The following TDP1 variants were observed in gnomAD, a reference collection of about 807,000 sequenced individuals.
TDP1 encodes tyrosyl-DNA phosphodiesterase 1.
A neutral mutation model predicts 81.5 loss-of-function variants in TDP1; 64 were observed. The ratio of observed to expected loss-of-function variants is 0.79; its 90% CI spans 0.64 to 0.97. The LOEUF is 0.97. Among genes scored for constraint, TDP1 ranks in the 50% least tolerant of loss-of-function variants. The pLI, the probability that TDP1 is intolerant of heterozygous loss-of-function variation, is 0.00. For missense variants in TDP1, 723 were observed against 743.8 expected, an observed-to-expected ratio of 0.97 and a Z score of 0.33; for synonymous variants, 256 against 264.3, an observed-to-expected ratio of 0.97 and a Z score of 0.30.
At chr14:89,966,310 G>A (rs910381725) in intron 4 of TDP1, 120 bp downstream of exon 4, 1 of 749,692 alleles carries the variant, frequency 1.3e-6, no homozygotes, top group Non-Finnish European at 2.4e-6. Flanking sequence ...AGACTGAGAT[G>A]GCACATACCT....
At chr14:90,009,243 A>G (rs1397298574) in intron 14 of TDP1, among the ~76,000 whole-genome samples, 1 of 152,220 alleles carries the variant, frequency 6.6e-6, no homozygotes, top group African/African-American at 2.4e-5. Flanking sequence ...GGTCTCTTCA[A>G]GAACCTGGAA....
intron 15 of TDP1, among the ~76,000 whole-genome samples, chr14:90,024,394 A>G (rs1184572010): frequency 6.6e-6 from 1 of 152,164 alleles, no homozygotes; most frequent in Non-Finnish European, 1.5e-5. Context: ...GGGGCTCAGC[A>G]CATATCCCAC....
At chr14:89,976,526 T>C (rs1015150906) in intron 7 of TDP1, among the ~76,000 whole-genome samples, 15 of 133,510 alleles carry the variant, frequency 1.1e-4, no homozygotes, top group African/African-American at 3.4e-4. Flanking sequence ...TCAACAGAGC[T>C]CTTTTTTTTT....
Position 89,980,583 on chromosome 14 carries a change from A to G in TDP1, c.835A>G (p.Ile279Val), listed in dbSNP as rs558781470. The change falls in exon 8 of 17, where the codon ATA (isoleucine) becomes GTA (valine). Residue 279 changes from isoleucine to valine, a missense_variant. Coordinates refer to ENST00000335725, the MANE Select transcript of TDP1 (RefSeq NM_018319.4). ...LLYEEGLRVV[I>V]HTSNLIHADW... ...CTATGAAGAAGGCCTCCGGGTTGTC[A>G]TACACACCTCCAACCTCATCCATGC... The G allele has an allele frequency of 1.2e-6, 2 of 1,614,210 alleles. No homozygotes were observed. The highest frequency in any genetic ancestry group is 1.3e-5 in the African/African-American group (1 of 75,058).
rs894715339 is a variant in TDP1, at chr14:89,993,152, T to C, written c.1434-224T>C. 31 of 984,678 alleles carry C rather than the reference T, an allele frequency of 3.1e-5. No individual in the cohort carries two copies. The African/African-American group carries it at 4.4e-4, about 14-fold the overall frequency. 61.0% of individuals were successfully genotyped at this position (984,678 alleles called of 1,614,324 possible). A position where few individuals can be genotyped will look rare whatever the true frequency, so the allele number is the denominator to read the frequency against. ...TCATGGCAAAAATGGAAAGGCTATA[T>C]GCTGAAAGGTTGCAGTGCTTCTTGT... On this transcript the variant is annotated intron_variant, in intron 13 of 16. Transcript: ENST00000335725.
At chr14:90,031,780 A>G (rs1190760584) in intron 15 of TDP1, among the ~76,000 whole-genome samples, 2 of 152,150 alleles carry the variant, frequency 1.3e-5, no homozygotes, top group Non-Finnish European at 2.9e-5. Flanking sequence ...CTCCACCTGC[A>G]ACATAATTCT....
intron 15 of TDP1, among the ~76,000 whole-genome samples, chr14:90,031,313 G>A (rs1887259230): frequency 7.3e-6 from 1 of 136,814 alleles, no homozygotes; most frequent in African/African-American, 2.8e-5. Flanking sequence ...CTGTGTCCAT[G>A]TGTTCTCATT....
intron 14 of TDP1, among the ~76,000 whole-genome samples, chr14:90,007,256 C>T (rs528064670): frequency 1.3e-5 from 2 of 152,018 alleles, no homozygotes; most frequent in Non-Finnish European, 2.9e-5. Flanking sequence ...TTATTTTTGC[C>T]CTCATTTTTG....
chr14:89,987,487 A>G (rs1187820413), intron 10 of TDP1, among the ~76,000 whole-genome samples: 1 of 152,244 alleles, frequency 6.6e-6, no homozygotes, highest in Non-Finnish European at 1.5e-5. Flanking sequence ...TGGAGCAGAA[A>G]GTGGACACTT....
At chr14:90,026,613 C>G (rs1886688041) in intron 15 of TDP1, among the ~76,000 whole-genome samples, 2 of 152,204 alleles carry the variant, frequency 1.3e-5, no homozygotes, top group African/African-American at 4.8e-5. Flanking sequence ...CTCCCCCTCC[C>G]CCTGCCCCAC....
chr14:89,978,412 C>T (rs1894596012), intron 7 of TDP1, among the ~76,000 whole-genome samples: 1 of 152,216 alleles, frequency 6.6e-6, no homozygotes, highest in African/African-American at 2.4e-5. Flanking sequence ...TCTAGGATGG[C>T]ACCTGGTAGA....
chr14:90,018,013 T>C (rs1393651389), intron 14 of TDP1, among the ~76,000 whole-genome samples: 1 of 152,198 alleles, frequency 6.6e-6, no homozygotes, highest in Admixed American at 6.5e-5. Context: ...TTCAAGAGTT[T>C]TCCTTAGCTC....
Position 89,963,865 on chromosome 14 carries a change from G to A in TDP1, c.559+192G>A, listed in dbSNP as rs1006915833. On this transcript the variant is annotated intron_variant, in intron 3 of 16. Transcript: ENST00000335725. ...ACTGTTTACTTAACTCAGGCAGAGC[G>A]TGTGTTCTCAAAACCCTGTAGCTCA... Among the ~76,000 whole-genome samples, 14 of 152,346 alleles carry A rather than the reference G, an allele frequency of 9.2e-5. No individual in the cohort carries two copies. The East Asian group carries it at 1.9e-3, about 21-fold the overall frequency.
intron 2 of TDP1, among the ~76,000 whole-genome samples, chr14:89,962,613 C>T (rs34961073): frequency 0.017 from 2,635 of 152,030 alleles, 77 homozygotes; most frequent in African/African-American, 0.06. Flanking sequence ...CTTGTAATCC[C>T]AGCACTTTGG....
Position 89,964,285 on chromosome 14 carries a change from C to T in TDP1, c.559+612C>T, listed in dbSNP as rs1892679294. ...GATCAAAAGATGGCCTTAGTTTGCT[C>T]TCCTTATTCCTCAGGGAGCACCTGC... On this transcript the variant is annotated intron_variant, in intron 3 of 16. Transcript: ENST00000335725. Among the ~76,000 whole-genome samples, 2 of 152,238 alleles carry T rather than the reference C, an allele frequency of 1.3e-5. 1 individual carries two copies. The highest frequency in any genetic ancestry group is 4.1e-4 in the South Asian group (2 of 4,828).
At chr14:89,977,746 A>G (rs1894522940) in intron 7 of TDP1, among the ~76,000 whole-genome samples, 1 of 152,250 alleles carries the variant, frequency 6.6e-6, no homozygotes, top group Admixed American at 6.5e-5. Context: ...CTTCCAGATC[A>G]TAGTGATGGA....
chr14:90,031,263 C>T (rs560657256), intron 15 of TDP1, among the ~76,000 whole-genome samples: 2 of 136,806 alleles, frequency 1.5e-5, no homozygotes, highest in Admixed American at 1.5e-4. Flanking sequence ...CCCCCCTCCC[C>T]CCACCCCACA....
At chr14:90,012,405 A>C (rs1361331493) in intron 14 of TDP1, among the ~76,000 whole-genome samples, 1 of 151,518 alleles carries the variant, frequency 6.6e-6, no homozygotes, top group Non-Finnish European at 1.5e-5. Flanking sequence ...GCAGTGCCCT[A>C]GTGGGGACTC....
chr14:90,019,398 CT>C lies in TDP1; in HGVS notation c.1628del (p.Phe543SerfsTer8). 3.1e-6 allele frequency: 5 copies of C among 1,601,492 alleles called. No individual in the cohort carries two copies. The highest frequency in any genetic ancestry group is 2.6e-6 in the Non-Finnish European group (3 of 1,168,418). ...GATCCGCTCCTACGAGCTCGGGGTCCTTTTCCTCCCTTCAGCATTTGTAAGT... is the reference window on the plus strand; with the variant it reads ...GATCCGCTCCTACGAGCTCGGGGTCCTTTCCTCCCTTCAGCATTTGTAAGT... ...LMIRSYELGV[L>X]FLPSAFGLDS... On this transcript the variant is annotated frameshift_variant, in exon 15 of 17. Transcript: ENST00000335725. LOFTEE classifies it high-confidence loss of function.
Sources: allele counts gnomAD v4.1 joint callset (sites outside exome capture counted in the v4.1 genomes callset), GRCh38; gene constraint gnomAD v4.1.1; transcripts MANE v1.5; gene names NCBI Gene and HGNC (gene_info 2026-07-23, HGNC 2026-07-21).